VPS54: variants seen among roughly 807,000 people sequenced by gnomAD.
VPS54 encodes VPS54 subunit of GARP complex.
Under a neutral mutation model 121.5 loss-of-function variants are expected in VPS54, and 45 were observed. That is an observed-to-expected ratio of 0.37 (90% CI 0.29 to 0.47). The LOEUF (loss-of-function observed/expected upper bound fraction) is 0.47, where lower values mean the gene tolerates loss of function less well. Ranked by LOEUF, VPS54 falls within the 20% of genes least tolerant of loss-of-function variation. The probability of loss-of-function intolerance (pLI) is 0.99; values close to 1 mark genes in which losing one functional copy is unlikely to be tolerated. For synonymous variants in VPS54, 371 were observed against 385.8 expected (o/e 0.96, Z 0.45); for missense variants, 1,090 against 1,131.4 (o/e 0.96, Z 0.52).
intron 3 of VPS54, among the ~76,000 whole-genome samples, chr2:63,980,560 C>T (rs2104611468): frequency 6.6e-6 from 1 of 151,946 alleles, no homozygotes; most frequent in Non-Finnish European, 1.5e-5. Context: ...TTCTGTCTTC[C>T]ATTATTAGCT....
chr2:63,993,961 GTC>G lies in VPS54; in HGVS notation c.-20-9944_-20-9943del, dbSNP rs1677455978. Among the ~76,000 whole-genome samples, 3 of 152,116 alleles carry G rather than the reference GTC, an allele frequency of 2.0e-5. No homozygotes were observed. In the South Asian group the frequency reaches 6.2e-4, roughly 32 times the overall value. On this transcript the variant is annotated intron_variant, in intron 1 of 22. Coordinates refer to ENST00000272322, the MANE Select transcript of VPS54 (RefSeq NM_016516.3). The stretch of plus-strand genomic sequence containing the variant: ...GATTTCCCCAAAACCTTTAAATATT[GTC>G]TCTGATTCTAGTTAACGTGGGAAAG...
intron 3 of VPS54, among the ~76,000 whole-genome samples, chr2:63,972,467 A>G (rs564828972): frequency 1.3e-5 from 2 of 152,364 alleles, no homozygotes; most frequent in South Asian, 4.1e-4. Context: ...ATTCCATCTC[A>G]TATAATTATA....
chr2:63,985,432 T>C (rs1677003481), intron 1 of VPS54, among the ~76,000 whole-genome samples: 1 of 152,194 alleles, frequency 6.6e-6, no homozygotes, highest in Admixed American at 6.5e-5. Context: ...TAAAAATATG[T>C]ATCTGTCTCA....
intron 4 of VPS54, among the ~76,000 whole-genome samples, chr2:63,970,242 A>AATATATATATAGATATATATAGATAT (rs1559029776): frequency 7.0e-5 from 3 of 43,002 alleles, no homozygotes; most frequent in African/African-American, 2.1e-4. Flanking sequence ...CACACATTCT[A>AATATATATATAGATATATATAGATAT]ATATATATAT....
chr2:63,933,743 A>T lies in VPS54; in HGVS notation c.1669T>A (p.Cys557Ser), dbSNP rs1251065040. The change falls in exon 12 of 23, where the codon TGT becomes AGT. Residue 557 changes from cysteine to serine, a missense_variant. Transcript: ENST00000272322. ...CSSDSVSEPECTTDSSSSKEH... is the reference protein window; with the variant it reads ...CSSDSVSEPESTTDSSSSKEH... ...TTGCTGGATGAAGAATCAGTAGTAC[A>T]TTCTGGCTCGGATACAGAATCACTG... The T allele has an allele frequency of 5.0e-6, 8 of 1,613,760 alleles. No individual in the cohort carries two copies. Among genetic ancestry groups the T allele is most frequent in the Middle Eastern group, 1.6e-4 (1 of 6,080 alleles).
intron 1 of VPS54, among the ~76,000 whole-genome samples, chr2:63,994,496 T>C (rs1047639213): frequency 2.0e-5 from 3 of 152,218 alleles, no homozygotes; most frequent in African/African-American, 7.2e-5. Context: ...CAGATGACCG[T>C]TGCCCCGCTC....
chr2:63,912,200 A>C, intron 20 of VPS54, 145 bp downstream of exon 20: 1 of 846,838 alleles, frequency 1.2e-6, no homozygotes, highest in Non-Finnish European at 1.8e-6. Context: ...ATTTTCCTGA[A>C]AAAAAATTTA....
chr2:63,908,076 T>C (rs1672981333), intron 20 of VPS54, among the ~76,000 whole-genome samples: 1 of 152,188 alleles, frequency 6.6e-6, no homozygotes, highest in Non-Finnish European at 1.5e-5. Flanking sequence ...GTATTTATAC[T>C]AAAGAAATGT....
chr2:63,968,398 C>T (rs1340130912), intron 5 of VPS54, among the ~76,000 whole-genome samples: 1 of 150,610 alleles, frequency 6.6e-6, no homozygotes, highest in African/African-American at 2.4e-5. Flanking sequence ...CAATTAAAAA[C>T]ATTTTTTCGT....
At chr2:63,982,477 A>G (rs1676842895) in intron 2 of VPS54, among the ~76,000 whole-genome samples, 1 of 152,214 alleles carries the variant, frequency 6.6e-6, no homozygotes, top group African/African-American at 2.4e-5. Context: ...TTGTAGGGAA[A>G]CTAAAGAGTT....
chr2:64,006,829 G>A (rs1056057228), intron 1 of VPS54, among the ~76,000 whole-genome samples: 1 of 152,154 alleles, frequency 6.6e-6, no homozygotes, highest in African/African-American at 2.4e-5. Flanking sequence ...ATATTGGTCA[G>A]GCTAGTCTTG....
intron 10 of VPS54, among the ~76,000 whole-genome samples, chr2:63,943,742 T>TTTTTTTA (rs1674848026): frequency 6.6e-6 from 1 of 150,446 alleles, no homozygotes; most frequent in African/African-American, 2.4e-5. Context: ...TTTTTTTTTT[T>TTTTTTTA]GAGACAGGCT....
chr2:63,939,083 G>C (rs1356276044), intron 11 of VPS54, among the ~76,000 whole-genome samples: 2 of 152,074 alleles, frequency 1.3e-5, no homozygotes, highest in South Asian at 2.1e-4. Context: ...GGCTGAAAAT[G>C]TACCCTTTAA....
intron 21 of VPS54, among the ~76,000 whole-genome samples, 200 bp from the exon 22 acceptor site, chr2:63,897,790 C>T (rs563184198): frequency 6.6e-6 from 1 of 152,254 alleles, no homozygotes; most frequent in Admixed American, 6.5e-5. Context: ...TTTTACCCTC[C>T]TTAGCAGTAC....
chr2:63,972,888 A>G (rs1676351544), intron 3 of VPS54, among the ~76,000 whole-genome samples: 1 of 152,050 alleles, frequency 6.6e-6, no homozygotes, highest in South Asian at 2.1e-4. Flanking sequence ...AAAAAAAAAG[A>G]AAAAAAGGAA....
intron 2 of VPS54, among the ~76,000 whole-genome samples, chr2:63,983,658 G>T (rs1676903123): frequency 6.6e-6 from 1 of 151,246 alleles, no homozygotes; most frequent in African/African-American, 2.4e-5. Flanking sequence ...TAGCCAGGAT[G>T]ATCTCGATCT....
At chr2:63,900,451 T>G (rs1006116479) in intron 20 of VPS54, among the ~76,000 whole-genome samples, 14 of 152,200 alleles carry the variant, frequency 9.2e-5, no homozygotes, top group African/African-American at 3.4e-4. Flanking sequence ...GTAGTATGAC[T>G]TTAAAAGCCA....
At chr2:63,961,603 T>G (rs1450676821) in intron 7 of VPS54, among the ~76,000 whole-genome samples, 2 of 152,240 alleles carry the variant, frequency 1.3e-5, no homozygotes, top group Non-Finnish European at 2.9e-5. Context: ...TTGGGTCTTT[T>G]CTATCACCAT....
chr2:63,942,175 AG>A (rs1289013501), intron 11 of VPS54, among the ~76,000 whole-genome samples: 17 of 151,974 alleles, frequency 1.1e-4, no homozygotes, highest in African/African-American at 4.1e-4. Flanking sequence ...TTGTACCTCT[AG>A]ATAACCTAGG....
Sources: gnomAD v4.1 joint callset for allele counts (sites outside exome capture counted in the v4.1 genomes callset) on GRCh38, gnomAD v4.1.1 for gene constraint, MANE v1.5 for transcripts, NCBI Gene and HGNC (gene_info 2026-07-23, HGNC 2026-07-21) for gene names.